Variants in SASH1 observed in about 807,000 individuals in gnomAD.
The protein encoded by SASH1 is SAM and SH3 domain-containing protein 1.
Under a neutral mutation model 125.2 loss-of-function variants are expected in SASH1, and 44 were observed. The observed-to-expected ratio is 0.35, with a 90% CI of 0.28 to 0.45. The LOEUF is 0.45. Among genes scored for constraint, SASH1 ranks in the 20% least tolerant of loss-of-function variants. The pLI is 1.00. For synonymous variants in SASH1, 639 were observed against 649.1 expected (o/e 0.98, Z 0.24); for missense variants, 1,426 against 1,614.5 (o/e 0.88, Z 2.00).
upstream of SASH1, among the ~76,000 whole-genome samples, chr6:148,339,940 G>A (rs1209262592): frequency 6.6e-6 from 1 of 152,140 alleles, no homozygotes; most frequent in Non-Finnish European, 1.5e-5. Flanking sequence ...GAAGCAGGTG[G>A]CCATTAGTAT....
rs9403939 is a variant in SASH1 at position 148,326,358 on chromosome 6, G to A, written n.74+53981G>A. 4.8e-3 allele frequency among the ~76,000 whole-genome samples: 59 copies of A among 12,380 alleles called. 1 individual carries two copies. Among genetic ancestry groups the A allele is most frequent in the Admixed American group, 0.012 (10 of 816 alleles). 8.1% of individuals were successfully genotyped at this position (12,380 alleles called of 152,430 possible). A position where few individuals can be genotyped will look rare whatever the true frequency, so the allele number is the denominator to read the frequency against. ...TATATATATATATATATATATATAT[G>A]CATATATATATATATACATTCTTTT... is the stretch of plus-strand genomic sequence containing the variant. On this transcript the variant is annotated intron_variant and non_coding_transcript_variant, in intron 1 of 3. Transcript: ENST00000367469.
At chr6:148,425,850 G>A (rs1775798021) in intron 2 of SASH1, among the ~76,000 whole-genome samples, 1 of 150,608 alleles carries the variant, frequency 6.6e-6, no homozygotes, top group African/African-American at 2.4e-5. Flanking sequence ...TCCTGCCTCA[G>A]CCTCCGTGAG....
intron 1 of SASH1, among the ~76,000 whole-genome samples, chr6:148,305,862 C>T (rs897916748): frequency 6.6e-6 from 1 of 151,994 alleles, no homozygotes; most frequent in Non-Finnish European, 1.5e-5. Flanking sequence ...TTCGAGGAAA[C>T]GGTTGTTAAA....
At chr6:148,520,831 C>T (rs1343919057) in intron 10 of SASH1, among the ~76,000 whole-genome samples, 1 of 152,178 alleles carries the variant, frequency 6.6e-6, no homozygotes, top group Admixed American at 6.5e-5. Context: ...CTGCCGTCAT[C>T]ACAGTCACCA....
chr6:148,454,866 G>T (rs898543207), intron 4 of SASH1, among the ~76,000 whole-genome samples: 3 of 152,196 alleles, frequency 2.0e-5, no homozygotes, highest in African/African-American at 7.2e-5. Context: ...TCTTTAGGGA[G>T]TGTCTCCTTC....
Position 148,365,145 on chromosome 6 carries a change from GAA to G in SASH1, c.156+21926_156+21927del, listed in dbSNP as rs911867413. Among the ~76,000 whole-genome samples the G allele has an allele frequency of 7.2e-5, 11 of 151,914 alleles. No individual in the cohort carries two copies. In the South Asian group the frequency reaches 1.9e-3, roughly 26 times the overall value. ...CACAAAAAAAAAAAAGAAAGGAGAG[GAA>G]AAAGAAAATTTTCCCTTCAAGTATT... On this transcript the variant is annotated intron_variant, in intron 1 of 19. Coordinates refer to ENST00000367467, the MANE Select transcript of SASH1 (RefSeq NM_015278.5).
chr6:148,416,116 G>A (rs892105955), intron 2 of SASH1, among the ~76,000 whole-genome samples: 4 of 152,148 alleles, frequency 2.6e-5, no homozygotes, highest in African/African-American at 9.7e-5. Context: ...CCTCTTCAGT[G>A]TACCCTCAGA....
chr6:148,533,050 C>A lies in SASH1; in HGVS notation c.1734+84C>A. ...TTTCTTTCCTCCTCACTGTTGAATG[C>A]TGGGCTACTATGGTACAGACTGGAC... On this transcript the variant is annotated intron_variant, in intron 14 of 19. Transcript: ENST00000367467. The surrounding 1 kb of genome is among the most constrained non-coding windows in gnomAD (Gnocchi z 6.2). 2 of 1,430,094 alleles carry A rather than the reference C, an allele frequency of 1.4e-6. No individual in the cohort carries two copies. Among genetic ancestry groups the A allele is most frequent in the South Asian group, 1.2e-5 (1 of 83,094 alleles). 88.6% of individuals were successfully genotyped at this position (1,430,094 alleles called of 1,614,324 possible).
chr6:148,444,424 CT>C (rs1776690425), intron 4 of SASH1, among the ~76,000 whole-genome samples: 2 of 152,140 alleles, frequency 1.3e-5, no homozygotes, highest in Admixed American at 1.3e-4. Context: ...GTGGATGCCC[CT>C]GCCAAGTGGG....
intron 2 of SASH1, among the ~76,000 whole-genome samples, chr6:148,419,912 T>C (rs1432577148): frequency 6.6e-6 from 1 of 152,194 alleles, no homozygotes; most frequent in East Asian, 1.9e-4. Context: ...TAATTCTTCC[T>C]TTTCATGCTA....
intron 2 of SASH1, among the ~76,000 whole-genome samples, chr6:148,400,804 T>A (rs890517948): frequency 3.9e-5 from 6 of 152,196 alleles, no homozygotes; most frequent in Admixed American, 3.3e-4. Flanking sequence ...TGTGTATCAG[T>A]GGGAGGTTTC....
intron 1 of SASH1, among the ~76,000 whole-genome samples, chr6:148,322,073 G>A (rs1444517426): frequency 1.3e-5 from 2 of 152,026 alleles, no homozygotes; most frequent in East Asian, 3.9e-4. Flanking sequence ...TCTCTCAGCC[G>A]GGCACAGTGG....
Position 148,549,767 on chromosome 6 carries a change from A to G in SASH1, c.*1209A>G. The G allele has an allele frequency of 2.6e-6, 1 of 389,360 alleles. No homozygotes were observed. The highest frequency in any genetic ancestry group is 1.4e-4 in the South Asian group (1 of 7,136). 24.1% of individuals were successfully genotyped at this position (389,360 alleles called of 1,614,324 possible). On this transcript the variant is annotated 3_prime_UTR_variant, in exon 20 of 20. Transcript: ENST00000367467. ...AAATCTCATTAGCCATGTGTTAAGTATTTGCTACTTTAAATTGTTTTACAA... is the reference window on the plus strand; with the variant it reads ...AAATCTCATTAGCCATGTGTTAAGTGTTTGCTACTTTAAATTGTTTTACAA...
intron 1 of SASH1, among the ~76,000 whole-genome samples, chr6:148,299,838 G>C (rs1032739895): frequency 1.3e-5 from 2 of 152,050 alleles, no homozygotes; most frequent in African/African-American, 4.8e-5. Context: ...TTTTAAATCA[G>C]AATAAATTTA....
At chr6:148,334,494 G>A (rs1031720024) in intron 1 of SASH1, among the ~76,000 whole-genome samples, 4 of 150,024 alleles carry the variant, frequency 2.7e-5, no homozygotes, top group Non-Finnish European at 5.9e-5. Flanking sequence ...GGAGGTGAAG[G>A]GAAGTGGATG....
At chr6:148,241,780 C>T in the SASH1 span, among the ~76,000 whole-genome samples, 6 of 152,190 alleles carry the variant, frequency 3.9e-5, no homozygotes, top group East Asian at 7.7e-4. Context: ...AACTCCTTCA[C>T]GCTTCAACCT....
intron 2 of SASH1, among the ~76,000 whole-genome samples, chr6:148,427,816 T>A (rs1768327): frequency 0.88 from 133,147 of 152,134 alleles, 58,392 homozygotes; most frequent in South Asian, 0.93. Flanking sequence ...GTACTTCTTG[T>A]CTCCTCTGAA....
At chr6:148,451,375 C>A (rs1228366740) in intron 4 of SASH1, among the ~76,000 whole-genome samples, 3 of 152,164 alleles carry the variant, frequency 2.0e-5, no homozygotes, top group Non-Finnish European at 4.4e-5. Context: ...TATAAAGACA[C>A]CTCTAAATAA....
intron 9 of SASH1, among the ~76,000 whole-genome samples, chr6:148,517,182 G>C (rs528030134): frequency 6.6e-6 from 1 of 152,264 alleles, no homozygotes; most frequent in South Asian, 2.1e-4. Context: ...CCTTGCCAGG[G>C]GTATTATGGA....
Sources: gnomAD v4.1 joint callset for allele counts (sites outside exome capture counted in the v4.1 genomes callset) on GRCh38, gnomAD v4.1.1 for gene constraint, Gnocchi (gnomAD v3.1) non-coding constraint, MANE v1.5 for transcripts, NCBI Gene and HGNC (gene_info 2026-07-23, HGNC 2026-07-21) for gene names.